KCNIP4: variants seen among roughly 807,000 people sequenced by gnomAD.
KCNIP4 encodes potassium voltage-gated channel interacting protein 4.
KCNIP4 carries 12 observed loss-of-function variants against 34.0 expected under a neutral mutation model. The observed-to-expected ratio is 0.35, with a 90% CI of 0.23 to 0.57. The LOEUF (loss-of-function observed/expected upper bound fraction) is 0.57, where lower values mean the gene tolerates loss of function less well. Ranked by LOEUF, KCNIP4 falls within the 20% of genes least tolerant of loss-of-function variation. The pLI, the probability that KCNIP4 is intolerant of heterozygous loss-of-function variation, is 0.83. For missense variants in KCNIP4, 238 were observed against 311.7 expected, an observed-to-expected ratio of 0.76 and a Z score of 1.78; for synonymous variants, 124 against 102.2, an observed-to-expected ratio of 1.21 and a Z score of -1.29.
intron 1 of KCNIP4, among the ~76,000 whole-genome samples, chr4:21,736,956 G>A (rs1481579390): frequency 6.6e-6 from 1 of 152,000 alleles, no homozygotes; most frequent in Non-Finnish European, 1.5e-5. Flanking sequence ...TCCTGCTAGA[G>A]CTCTAGAAGA....
chr4:20,803,470 CAAAAAAAAAAAAAAAAAAAAAAA>C (rs551176038), intron 3 of KCNIP4, among the ~76,000 whole-genome samples: 4 of 85,888 alleles, frequency 4.7e-5, no homozygotes, highest in South Asian at 4.0e-4. Flanking sequence ...TCATCTTTAC[CAAAAAAAAAAAAAAAAAAAAAAA>C]AAAAAAAAAA....
intron 1 of KCNIP4, among the ~76,000 whole-genome samples, chr4:21,634,590 G>T (rs35082075): frequency 6.6e-6 from 1 of 151,880 alleles, no homozygotes; most frequent in Non-Finnish European, 1.5e-5. Context: ...AACACAATTT[G>T]CAAAGTTATG....
intron 1 of KCNIP4, among the ~76,000 whole-genome samples, chr4:21,617,051 T>C (rs10000010): frequency 0.52 from 79,126 of 151,974 alleles, 20,756 homozygotes; most frequent in East Asian, 0.73. Context: ...TCCCTTACTA[T>C]AGTTAGTACA....
chr4:20,952,376 A>G (rs1174126618), intron 1 of KCNIP4, among the ~76,000 whole-genome samples: 2 of 152,078 alleles, frequency 1.3e-5, no homozygotes, highest in African/African-American at 2.4e-5. Flanking sequence ...TTATCTCAAA[A>G]CTCCTTTATA....
chr4:21,153,653 ATC>A (rs1181310071), intron 1 of KCNIP4, among the ~76,000 whole-genome samples: 1 of 151,930 alleles, frequency 6.6e-6, no homozygotes, highest in Non-Finnish European at 1.5e-5. Context: ...TCATAAATCC[ATC>A]TATATTTTGC....
At chr4:21,225,395 T>C (rs1337365525) in intron 1 of KCNIP4, among the ~76,000 whole-genome samples, 1 of 152,188 alleles carries the variant, frequency 6.6e-6, no homozygotes, top group Non-Finnish European at 1.5e-5. Context: ...ACAACTCTTT[T>C]ATCCACAGGG....
intron 1 of KCNIP4, among the ~76,000 whole-genome samples, chr4:21,931,057 G>A (rs181940312): frequency 6.6e-6 from 1 of 152,184 alleles, no homozygotes; most frequent in African/African-American, 2.4e-5. Context: ...GTCATGATTT[G>A]GAGATGTTTA....
At chr4:20,789,015 C>A (rs1300181817) in intron 3 of KCNIP4, among the ~76,000 whole-genome samples, 1 of 152,008 alleles carries the variant, frequency 6.6e-6, no homozygotes, top group Admixed American at 6.6e-5. Context: ...ACATTAAATT[C>A]TCAAGTAAAG....
At chr4:20,946,009 C>T (rs760078788) in intron 1 of KCNIP4, among the ~76,000 whole-genome samples, 1 of 152,100 alleles carries the variant, frequency 6.6e-6, no homozygotes, top group South Asian at 2.1e-4. Context: ...GAGAAGGCTG[C>T]TGTTGATAGT....
chr4:21,305,864 ATC>A (rs1232723730), intron 1 of KCNIP4, among the ~76,000 whole-genome samples: 5 of 152,150 alleles, frequency 3.3e-5, no homozygotes, highest in South Asian at 2.1e-4. Context: ...ATTGGATCAA[ATC>A]TCTCTTTTTT....
At chr4:21,109,483 G>A (rs764359847) in intron 1 of KCNIP4, among the ~76,000 whole-genome samples, 11 of 151,984 alleles carry the variant, frequency 7.2e-5, no homozygotes, top group Non-Finnish European at 1.2e-4. Flanking sequence ...GGAGTGACCC[G>A]ATTTTCCAGG....
chr4:21,341,291 T>G (rs1449473927), intron 1 of KCNIP4, among the ~76,000 whole-genome samples: 1 of 152,054 alleles, frequency 6.6e-6, no homozygotes, highest in Non-Finnish European at 1.5e-5. Flanking sequence ...GCCACCCAAT[T>G]TTTTACAGCA....
At chr4:21,438,287 C>T (rs1053259558) in intron 1 of KCNIP4, among the ~76,000 whole-genome samples, 3 of 152,048 alleles carry the variant, frequency 2.0e-5, no homozygotes, top group Non-Finnish European at 4.4e-5. Context: ...ATTCTTAATG[C>T]GATTTTTAAG....
intron 5 of KCNIP4, among the ~76,000 whole-genome samples, chr4:20,742,336 G>T (rs969265844): frequency 6.6e-6 from 1 of 152,078 alleles, no homozygotes; most frequent in African/African-American, 2.4e-5. Flanking sequence ...TTAGCAAACC[G>T]AATCCAGCAG....
At chr4:21,081,326 A>G (rs571111563) in intron 1 of KCNIP4, among the ~76,000 whole-genome samples, 1 of 151,978 alleles carries the variant, frequency 6.6e-6, no homozygotes, top group Admixed American at 6.6e-5. Flanking sequence ...AAATGTATTA[A>G]GTTCTAAAAT....
chr4:21,085,319 G>A (rs56412118), intron 1 of KCNIP4, among the ~76,000 whole-genome samples: 21,259 of 151,934 alleles, frequency 0.14, 1,717 homozygotes, highest in East Asian at 0.24. Context: ...TTGGCACCCC[G>A]ATCTCACACT....
chr4:21,520,892 G>A (rs1735463516), intron 1 of KCNIP4, among the ~76,000 whole-genome samples: 2 of 152,088 alleles, frequency 1.3e-5, no homozygotes, highest in Non-Finnish European at 2.9e-5. Flanking sequence ...ATGCTCTTAA[G>A]GCATATAAAG....
chr4:21,331,957 T>C (rs1009889157), intron 1 of KCNIP4, among the ~76,000 whole-genome samples: 1 of 152,052 alleles, frequency 6.6e-6, no homozygotes, highest in Non-Finnish European at 1.5e-5. Flanking sequence ...TGGCACATAG[T>C]AGGTCCTTAG....
At chr4:21,308,887 A>C (rs904905427) in intron 1 of KCNIP4, among the ~76,000 whole-genome samples, 2 of 152,110 alleles carry the variant, frequency 1.3e-5, no homozygotes, top group Non-Finnish European at 2.9e-5. Flanking sequence ...AGTTTCTTCA[A>C]AGCAATTTTG....
Sources: gnomAD v4.1 joint callset for allele counts (sites outside exome capture counted in the v4.1 genomes callset) on GRCh38, gnomAD v4.1.1 for gene constraint, MANE v1.5 for transcripts, NCBI Gene and HGNC (gene_info 2026-07-23, HGNC 2026-07-21) for gene names.